Variants in CNOT7 observed in about 807,000 individuals in gnomAD.
CNOT7 encodes the protein CCR4-NOT transcription complex subunit 7, also known as BTG1-binding factor 1.
CNOT7 carries 4 observed loss-of-function variants against 37.1 expected under a neutral mutation model. The observed-to-expected ratio is 0.11, with a 90% CI of 0.05 to 0.25. CNOT7 has a LOEUF of 0.25. Ranked by LOEUF, CNOT7 falls within the 10% of genes least tolerant of loss-of-function variation. CNOT7 has a pLI of 1.00. For missense variants in CNOT7, 170 were observed against 336.2 expected (o/e 0.51, Z 3.87); for synonymous variants, 128 against 115.6 (o/e 1.11, Z -0.69).
rs1808310561 is a variant in CNOT7, at chr8:17,228,567, G to A, written c.*2153C>T. 4 of 151,932 alleles carry A rather than the reference G, an allele frequency of 2.6e-5. No homozygotes were observed. The highest frequency in any genetic ancestry group is 2.6e-4 in the Admixed American group (4 of 15,242). 9.4% of individuals were successfully genotyped at this position (151,932 alleles called of 1,614,324 possible). A position where few individuals can be genotyped will look rare whatever the true frequency, so the allele number is the denominator to read the frequency against. On this transcript the variant is annotated 3_prime_UTR_variant, in exon 7 of 7. Transcript: ENST00000361272. ...GTGCAAAAGCAATACACATTCAGTA[G>A]AAACTATAACCCCATCTTTGGTCCT...
At chr8:17,232,333 A>G in intron 6 of CNOT7, 94 bp downstream of exon 6, 1 of 1,599,952 alleles carries the variant, frequency 6.3e-7, no homozygotes, top group East Asian at 2.2e-5. Flanking sequence ...ATCTTTACTT[A>G]GTAGGTACTT....
chr8:17,246,770 G>T lies in CNOT7; in HGVS notation c.-191C>A. The T allele has an allele frequency of 5.4e-6, 1 of 184,564 alleles. No individual in the cohort carries two copies. Among genetic ancestry groups the T allele is most frequent in the Non-Finnish European group, 1.1e-5 (1 of 88,666 alleles). The allele number at this position is 184,564 out of a possible 1,614,324, so 11.4% of individuals were successfully genotyped here. A position where few individuals can be genotyped will look rare whatever the true frequency, so the allele number is the denominator to read the frequency against. On this transcript the variant is annotated 5_prime_UTR_variant, in exon 1 of 7. The change creates a new upstream start codon in the 5' untranslated region. Coordinates refer to ENST00000361272, the MANE Select transcript of CNOT7 (RefSeq NM_013354.7). ...GGCGGTGGCGGTAGCGGCGGCGGCA[G>T]CGGGTGCCCCATAGACACCTCTCGC...
intron 3 of CNOT7, among the ~76,000 whole-genome samples, chr8:17,241,010 T>C (rs563574842): frequency 6.6e-6 from 1 of 152,330 alleles, no homozygotes; most frequent in African/African-American, 2.4e-5. Flanking sequence ...AAAGCCATCC[T>C]GGGCCAAGGG....
Position 17,234,777 on chromosome 8 carries a change from C to A in CNOT7, c.557G>T (p.Arg186Leu), listed in dbSNP as rs1402157230. ...ATCATAAATGACAGGAAAAAACAAT[C>A]GAAGGATCTCAAAGAAGTCAAGTTC... is the stretch of plus-strand genomic sequence containing the variant. ...EEELDFFEIL[R>L]LFFPVIYDVK... Residue 186 changes from arginine to leucine, a missense_variant, in exon 5 of 7, where the codon CGA (arginine) becomes CTA (leucine). Physicochemically the swap from Arg to Leu is moderately radical, Grantham distance 102. Coordinates refer to ENST00000361272, the MANE Select transcript of CNOT7 (RefSeq NM_013354.7). 6 of 1,613,814 alleles carry A rather than the reference C, an allele frequency of 3.7e-6. No homozygotes were observed. Among genetic ancestry groups the A allele is most frequent in the Non-Finnish European group, 5.1e-6 (6 of 1,179,888 alleles).
At chr8:17,243,581 C>A in intron 2 of CNOT7, 1 of 460,020 alleles carries the variant, frequency 2.2e-6, no homozygotes, top group Non-Finnish European at 4.4e-6. Context: ...CTGTACTTTC[C>A]AATTGCTTCT....
rs2150959473 is a variant in CNOT7 at position 17,225,456 on chromosome 8, C to T, written c.*5264G>A. 1 of 151,796 alleles carries T rather than the reference C, an allele frequency of 6.6e-6. No homozygotes were observed. The allele number at this position is 151,796 out of a possible 1,614,324, so 9.4% of individuals were successfully genotyped here. On this transcript the variant is annotated 3_prime_UTR_variant, in exon 7 of 7. Transcript: ENST00000361272. ...GGAGAAATGTAGCTTGTTCATTCAC[C>T]TACAGACTATGGCTACAAAGCAATG...
rs771954898 is a variant in CNOT7, at chr8:17,228,670, A to AAGTT, written c.*2046_*2049dup. ...GTTGAAAAATCATTAAGTCGAAAGT[A>AAGTT]AGTTAGGGATTATCTATACTTTTTA... On this transcript the variant is annotated 3_prime_UTR_variant, in exon 7 of 7. Coordinates refer to ENST00000361272, the MANE Select transcript of CNOT7 (RefSeq NM_013354.7). 21 of 151,934 alleles carry AAGTT rather than the reference A, an allele frequency of 1.4e-4. No homozygotes were observed. The highest frequency in any genetic ancestry group is 7.4e-5 in the Non-Finnish European group (5 of 67,846). The allele number at this position is 151,934 out of a possible 1,614,324, so 9.4% of individuals were successfully genotyped here.
chr8:17,233,758 T>G (rs1808944506), intron 5 of CNOT7, among the ~76,000 whole-genome samples: 2 of 152,180 alleles, frequency 1.3e-5, no homozygotes, highest in African/African-American at 4.8e-5. Flanking sequence ...AAAATAATCT[T>G]TCTTGAAAAT....
At chr8:17,234,309 A>G (rs1809039906) in intron 5 of CNOT7, among the ~76,000 whole-genome samples, 1 of 152,216 alleles carries the variant, frequency 6.6e-6, no homozygotes, top group East Asian at 1.9e-4. Flanking sequence ...ACACTACTAA[A>G]TACATCTGCA....
At position 17,237,340 on chromosome 8, in the gene CNOT7, T is replaced by C. The variant is rs112570819; in HGVS notation, c.345A>G (p.Leu115=). The change falls in exon 4 of 7, where the codon CTA becomes CTG. Residue 115 remains leucine (L), a synonymous_variant. Coordinates refer to ENST00000361272, the MANE Select transcript of CNOT7 (RefSeq NM_013354.7). ...TAAACTGGATACCAGATGTTGTTAG[T>C]AGCTCTATAGAGTCCTGGGCATACA... is the stretch of plus-strand genomic sequence containing the variant. The part of the protein sequence containing the change: ...EDMYAQDSIE[L]LTTSGIQFKK... 2.8e-4 allele frequency: 449 copies of C among 1,614,100 alleles called. 1 individual carries two copies. The African/African-American group carries it at 5.0e-3, about 18-fold the overall frequency.
At position 17,225,704 on chromosome 8, in the gene CNOT7, A is replaced by C. The variant is rs1189534187; in HGVS notation, c.*5016T>G. ...GATGTGTACAGTCCTACGTTTCTAT[A>C]ATGTCTTAATAGAAAAATAAATGAC... is the stretch of plus-strand genomic sequence containing the variant. On this transcript the variant is annotated 3_prime_UTR_variant, in exon 7 of 7. Transcript: ENST00000361272. 6.6e-6 allele frequency: 1 copy of C among 151,708 alleles called. No individual in the cohort carries two copies. The highest frequency in any genetic ancestry group is 1.5e-5 in the Non-Finnish European group (1 of 67,698). The allele number at this position is 151,708 out of a possible 1,614,324, so 9.4% of individuals were successfully genotyped here.
At position 17,225,253 on chromosome 8, in the gene CNOT7, A is replaced by C. The variant is rs1808081528; in HGVS notation, c.*5467T>G. 1 of 151,704 alleles carries C rather than the reference A, an allele frequency of 6.6e-6. No homozygotes were observed. The highest frequency in any genetic ancestry group is 6.6e-5 in the Admixed American group (1 of 15,206). The allele number at this position is 151,704 out of a possible 1,614,324, so 9.4% of individuals were successfully genotyped here. Reference sequence around the variant, plus strand: ...GGTATGATACTAAATAAAGATTCTTATCTTTTGGGAGAAAGAGCCAAAACA... The same window carrying C: ...GGTATGATACTAAATAAAGATTCTTCTCTTTTGGGAGAAAGAGCCAAAACA... On this transcript the variant is annotated 3_prime_UTR_variant, in exon 7 of 7. Transcript: ENST00000361272.
intron 3 of CNOT7, among the ~76,000 whole-genome samples, chr8:17,239,424 T>A (rs913817255): frequency 2.6e-5 from 4 of 152,188 alleles, no homozygotes; most frequent in African/African-American, 9.6e-5. Flanking sequence ...AGCATCAGCA[T>A]CCTTTCTGTT....
chr8:17,243,152 T>C lies in CNOT7; in HGVS notation c.151A>G (p.Ile51Val), dbSNP rs1810420974. 1 of 1,606,860 alleles carries C rather than the reference T, an allele frequency of 6.2e-7. No individual in the cohort carries two copies. Among genetic ancestry groups the C allele is most frequent in the Non-Finnish European group, 8.5e-7 (1 of 1,178,390 alleles). The change falls in exon 3 of 7, where the codon ATT becomes GTT. Residue 51 changes from isoleucine (I) to valine (V), a missense_variant. Coordinates refer to ENST00000361272, the MANE Select transcript of CNOT7 (RefSeq NM_013354.7). Reference sequence around the variant, plus strand: ...TCAGCATTGCTCCTGAATTCTCCAATGGGTCTTGCAACCACACCTGGAAAC... The same window carrying C: ...TCAGCATTGCTCCTGAATTCTCCAACGGGTCTTGCAACCACACCTGGAAAC... The part of the protein sequence containing the change: ...TEFPGVVARP[I>V]GEFRSNADYQ...
chr8:17,245,542 C>T lies in CNOT7; in HGVS notation c.-95-295G>A, dbSNP rs146361172. 2.2e-4 allele frequency among the ~76,000 whole-genome samples: 34 copies of T among 152,268 alleles called. No homozygotes were observed. In the East Asian group the frequency reaches 5.2e-3, roughly 23 times the overall value. ...TATTTATCTGAGTTCAACTACTCTG[C>T]ATAAAACTTTATAAAGCCATCCATT... On this transcript the variant is annotated intron_variant, in intron 1 of 6. Transcript: ENST00000361272.
In CNOT7 at chr8:17,227,655, C is replaced by A. The variant is rs986939891; in HGVS notation, c.*3065G>T. 1 of 151,750 alleles carries A rather than the reference C, an allele frequency of 6.6e-6. No homozygotes were observed. 9.4% of individuals were successfully genotyped at this position (151,750 alleles called of 1,614,324 possible). On this transcript the variant is annotated 3_prime_UTR_variant, in exon 7 of 7. Coordinates refer to ENST00000361272, the MANE Select transcript of CNOT7 (RefSeq NM_013354.7). The stretch of plus-strand genomic sequence containing the variant: ...GATGTTTCATTTAAATTTTCTAATT[C>A]TTCTGACTGTTGCTTTCCCACCAGT...
intron 3 of CNOT7, among the ~76,000 whole-genome samples, chr8:17,239,956 G>GT (rs1172679340): frequency 3.9e-5 from 6 of 152,306 alleles, no homozygotes; most frequent in South Asian, 2.1e-4. Flanking sequence ...CGTTACAATT[G>GT]TAATTCTTAG....
chr8:17,230,065 G>T lies in CNOT7; in HGVS notation c.*655C>A, dbSNP rs1334098843. On this transcript the variant is annotated 3_prime_UTR_variant, in exon 7 of 7. Transcript: ENST00000361272. ...AATTAGAAACTGACAGACACTAGATGTGCTTGGAAGATTAAACACTACGTA... is the reference window on the plus strand; with the variant it reads ...AATTAGAAACTGACAGACACTAGATTTGCTTGGAAGATTAAACACTACGTA... 6.6e-6 allele frequency: 1 copy of T among 152,380 alleles called. No homozygotes were observed. Among genetic ancestry groups the T allele is most frequent in the African/African-American group, 2.4e-5 (1 of 41,420 alleles). The allele number at this position is 152,380 out of a possible 1,614,324, so 9.4% of individuals were successfully genotyped here. A position where few individuals can be genotyped will look rare whatever the true frequency, so the allele number is the denominator to read the frequency against.
At position 17,230,824 on chromosome 8, in the gene CNOT7, C is replaced by T; in HGVS notation, c.754G>A (p.Asp252Asn). 6.2e-7 allele frequency: 1 copy of T among 1,600,664 alleles called. No homozygotes were observed. The highest frequency in any genetic ancestry group is 8.5e-7 in the Non-Finnish European group (1 of 1,170,786). Residue 252 changes from aspartate to asparagine, a missense_variant, in exon 7 of 7, where the codon GAT (aspartate) becomes AAT (asparagine). Physicochemically the swap from Asp to Asn is conservative, Grantham distance 23 (BLOSUM62 1). Around this residue, in one of 6 missense-constraint regions of CNOT7, gnomAD observed 25 missense variants for 43.3 expected, o/e 0.58. Coordinates refer to ENST00000361272, the MANE Select transcript of CNOT7 (RefSeq NM_013354.7). ...TACAAATGACCACAATATTTGGCAT[C>T]ATCAATATGATCTTCAAAGAACATC... is the stretch of plus-strand genomic sequence containing the variant. ...REMFFEDHIDDAKYCGHLYGL... is the reference protein window; with the variant it reads ...REMFFEDHIDNAKYCGHLYGL...
Sources: gnomAD v4.1 joint callset for allele counts (sites outside exome capture counted in the v4.1 genomes callset) on GRCh38, gnomAD v4.1.1 for gene constraint, gnomAD v4.1.1 regional missense constraint, MANE v1.5 for transcripts, NCBI Gene and HGNC (gene_info 2026-07-23, HGNC 2026-07-21) for gene names.